The following PLA2G12B variants were observed in gnomAD, a reference collection of about 807,000 sequenced individuals.
The protein encoded by PLA2G12B is group XIIB secretory phospholipase A2-like protein.
Under a neutral mutation model 22.3 loss-of-function variants are expected in PLA2G12B, and 19 were observed. The ratio of observed to expected loss-of-function variants is 0.85; its 90% CI spans 0.60 to 1.25. The LOEUF is 1.25. Ranked by LOEUF, PLA2G12B falls within the 50% of genes most tolerant of loss-of-function variation. The pLI, the probability that PLA2G12B is intolerant of heterozygous loss-of-function variation, is 0.00. For missense variants in PLA2G12B, 191 were observed against 246.6 expected, an observed-to-expected ratio of 0.77 and a Z score of 1.51; for synonymous variants, 81 against 94.9, an observed-to-expected ratio of 0.85 and a Z score of 0.85.
At chr10:72,948,373 A>T (rs1846475643) in intron 1 of PLA2G12B, among the ~76,000 whole-genome samples, 2 of 152,160 alleles carry the variant, frequency 1.3e-5, no homozygotes, top group Admixed American at 1.3e-4. Context: ...TATTTTATTT[A>T]ATGTTTTATG....
rs986809098 is a variant in PLA2G12B at position 72,935,477 on chromosome 10, T to C, written c.*140A>G. ...AAGGATAGGACTCACTTTCCAGCTG[T>C]AGAAAAATGTTCCCTTTCTCCTGCT... On this transcript the variant is annotated 3_prime_UTR_variant, in exon 4 of 4. Transcript: ENST00000373032. The C allele has an allele frequency of 1.6e-6, 2 of 1,274,586 alleles. No homozygotes were observed. The highest frequency in any genetic ancestry group is 2.2e-6 in the Non-Finnish European group (2 of 925,510). The allele number at this position is 1,274,586 out of a possible 1,614,324, so 79.0% of individuals were successfully genotyped here.
At chr10:72,937,848 A>G (rs979700737) in intron 3 of PLA2G12B, among the ~76,000 whole-genome samples, 3 of 152,154 alleles carry the variant, frequency 2.0e-5, no homozygotes, top group Non-Finnish European at 4.4e-5. Context: ...CGATAAAAAC[A>G]CTTGGCCAGG....
Position 72,952,710 on chromosome 10 carries a change from C to T in PLA2G12B, c.211+1765G>A, listed in dbSNP as rs993105220. On this transcript the variant is annotated intron_variant, in intron 1 of 3. Coordinates refer to ENST00000373032, the MANE Select transcript of PLA2G12B (RefSeq NM_032562.5). Reference sequence around the variant, plus strand: ...GGGTTCCAAGGTAAGGAGGCATAACCGCCTATTTTTCTAAGTGTTTTTCAG... The same window carrying T: ...GGGTTCCAAGGTAAGGAGGCATAACTGCCTATTTTTCTAAGTGTTTTTCAG... 2.6e-5 allele frequency among the ~76,000 whole-genome samples: 4 copies of T among 152,260 alleles called. 1 individual carries two copies. Among genetic ancestry groups the T allele is most frequent in the African/African-American group, 2.4e-5 (1 of 41,526 alleles).
chr10:72,946,215 C>T (rs1846438051), intron 1 of PLA2G12B, among the ~76,000 whole-genome samples: 1 of 152,156 alleles, frequency 6.6e-6, no homozygotes, highest in Non-Finnish European at 1.5e-5. Context: ...CAATATGTGG[C>T]CTTTTGTGTC....
chr10:72,936,458 G>A (rs1292670617), intron 3 of PLA2G12B, among the ~76,000 whole-genome samples: 2 of 152,132 alleles, frequency 1.3e-5, no homozygotes, highest in Non-Finnish European at 2.9e-5. Context: ...CCAAAACATG[G>A]ATGAATCTTG....
rs936814142 is a variant in PLA2G12B at position 72,954,700 on chromosome 10, G to A, written c.-15C>T. 6 of 1,613,012 alleles carry A rather than the reference G, an allele frequency of 3.7e-6. No individual in the cohort carries two copies. The highest frequency in any genetic ancestry group is 4.2e-6 in the Non-Finnish European group (5 of 1,179,600). ...GCCAGCTTCATCCTGCAGCCAGGTA[G>A]GTACTGGCTTCTCTCCTCAAACCCC... is the stretch of plus-strand genomic sequence containing the variant. On this transcript the variant is annotated 5_prime_UTR_variant, in exon 1 of 4. Coordinates refer to ENST00000373032, the MANE Select transcript of PLA2G12B (RefSeq NM_032562.5).
At chr10:72,940,486 A>AGATCGCTTGAGTTC (rs1554833513) in intron 3 of PLA2G12B, among the ~76,000 whole-genome samples, 4 of 130,362 alleles carry the variant, frequency 3.1e-5, no homozygotes, top group Admixed American at 6.7e-5. Context: ...TGAGGCGGGC[A>AGATCGCTTGAGTTC]ACATGGGCAA....
chr10:72,951,986 T>A (rs149916648), intron 1 of PLA2G12B, among the ~76,000 whole-genome samples: 1 of 152,236 alleles, frequency 6.6e-6, no homozygotes, highest in African/African-American at 2.4e-5. Context: ...TGGGCTGAAG[T>A]TCTCTAAGAA....
At chr10:72,938,603 ATACT>A (rs1846314616) in intron 3 of PLA2G12B, among the ~76,000 whole-genome samples, 2 of 152,334 alleles carry the variant, frequency 1.3e-5, no homozygotes, top group South Asian at 4.1e-4. Flanking sequence ...AAAGAATAAA[ATACT>A]TAGGAATAAA....
At position 72,935,590 on chromosome 10, in the gene PLA2G12B, CA is replaced by C; in HGVS notation, c.*26del. On this transcript the variant is annotated 3_prime_UTR_variant, in exon 4 of 4. Transcript: ENST00000373032. ...GAAGGCTGACAGCTGTGGTGTCACT[CA>C]AAACCAGGAAGGAATCACTTCTTCC... 1.2e-6 allele frequency: 2 copies of C among 1,612,692 alleles called. No individual in the cohort carries two copies. The highest frequency in any genetic ancestry group is 1.7e-6 in the Non-Finnish European group (2 of 1,179,270).
intron 3 of PLA2G12B, among the ~76,000 whole-genome samples, chr10:72,940,322 C>T (rs1846339529): frequency 6.6e-6 from 1 of 152,094 alleles, no homozygotes; most frequent in African/African-American, 2.4e-5. Flanking sequence ...ATCCTGGCTT[C>T]AGAAACTGAG....
At position 72,935,698 on chromosome 10, in the gene PLA2G12B, C is replaced by T; in HGVS notation, c.507G>A (p.Val169=). The T allele has an allele frequency of 1.2e-6, 2 of 1,614,180 alleles. No homozygotes were observed. Among genetic ancestry groups the T allele is most frequent in the African/African-American group, 1.3e-5 (1 of 75,056 alleles). Residue 169 remains valine (V), a synonymous_variant, in exon 4 of 4, where the codon GTG becomes GTA. Transcript: ENST00000373032. ...TAAAGGGGCGGCAGCCCAAGGTCCACACGGTGTTGAACACAGTGTCAACCA... is the reference window on the plus strand; with the variant it reads ...TAAAGGGGCGGCAGCCCAAGGTCCATACGGTGTTGAACACAGTGTCAACCA... ...DSLVDTVFNT[V]WTLGCRPFMN...
chr10:72,945,918 G>A (rs964360497), intron 1 of PLA2G12B, among the ~76,000 whole-genome samples: 3 of 152,150 alleles, frequency 2.0e-5, no homozygotes, highest in Admixed American at 2.0e-4. Context: ...AAAGTGCTGG[G>A]ATTACAGGCG....
rs776741546 is a variant in PLA2G12B, at chr10:72,941,380, G to A, written c.301-46C>T. 12 of 1,576,674 alleles carry A rather than the reference G, an allele frequency of 7.6e-6. No homozygotes were observed. In the African/African-American group the frequency reaches 9.4e-5, roughly 12 times the overall value. On this transcript the variant is annotated intron_variant, in intron 2 of 3. Transcript: ENST00000373032. ...GGAAAAGAAGGGGAAGAAATGCCAC[G>A]TTTAGACTAAGGACCTTAGGCAACC...
At chr10:72,938,028 C>T (rs1846304208) in intron 3 of PLA2G12B, among the ~76,000 whole-genome samples, 1 of 150,934 alleles carries the variant, frequency 6.6e-6, no homozygotes, top group South Asian at 2.1e-4. Context: ...GCAGGAGAAT[C>T]GCTTGAACCC....
intron 3 of PLA2G12B, among the ~76,000 whole-genome samples, chr10:72,940,238 C>G (rs1013626177): frequency 6.6e-6 from 1 of 152,062 alleles, no homozygotes; most frequent in East Asian, 1.9e-4. Flanking sequence ...GGTGTGGAGC[C>G]AGCTCTTTAT....
chr10:72,953,425 T>G (rs1473271143), intron 1 of PLA2G12B, among the ~76,000 whole-genome samples: 1 of 152,120 alleles, frequency 6.6e-6, no homozygotes, highest in Non-Finnish European at 1.5e-5. Context: ...AAAGCTGACT[T>G]TTTCTCTGTT....
intron 3 of PLA2G12B, among the ~76,000 whole-genome samples, chr10:72,940,374 A>G (rs1846340237): frequency 6.6e-6 from 1 of 152,206 alleles, no homozygotes; most frequent in Non-Finnish European, 1.5e-5. Context: ...AAAAGAAATT[A>G]TAGAGTCGGT....
At chr10:72,942,537 A>T in intron 2 of PLA2G12B, 115 bp downstream of exon 2, 1 of 798,272 alleles carries the variant, frequency 1.3e-6, no homozygotes, top group Non-Finnish European at 1.9e-6. Flanking sequence ...AATTTAAAAT[A>T]CTTAATTGTA....
Sources: gnomAD v4.1 joint callset for allele counts (sites outside exome capture counted in the v4.1 genomes callset) on GRCh38, gnomAD v4.1.1 for gene constraint, MANE v1.5 for transcripts, NCBI Gene and HGNC (gene_info 2026-07-23, HGNC 2026-07-21) for gene names.